Variants in SLC35F4 observed in about 807,000 individuals in gnomAD.
SLC35F4 encodes solute carrier family 35 member F4, also known as chromosome 14 open reading frame 36.
A neutral mutation model predicts 44.2 loss-of-function variants in SLC35F4; 24 were observed. The ratio of observed to expected loss-of-function variants is 0.54; its 90% CI spans 0.39 to 0.76. The LOEUF is 0.76. Ranked by LOEUF, SLC35F4 falls within the 30% of genes least tolerant of loss-of-function variation. SLC35F4 has a pLI of 0.00. For missense variants in SLC35F4, 562 were observed against 586.1 expected (o/e 0.96, Z 0.42); for synonymous variants, 238 against 223.6 (o/e 1.06, Z -0.57).
In SLC35F4 at chr14:57,577,522, A is replaced by T. The variant is rs2068876071; in HGVS notation, c.807+3692T>A. Among the ~76,000 whole-genome samples the T allele has an allele frequency of 2.0e-5, 3 of 152,132 alleles. No homozygotes were observed. In the South Asian group the frequency reaches 6.2e-4, roughly 31 times the overall value. On this transcript the variant is annotated intron_variant, in intron 4 of 7. Coordinates refer to ENST00000556826, the MANE Select transcript of SLC35F4 (RefSeq NM_001306087.2). ...TATAAGAAAAATTTGAATGAATAGT[A>T]TAAAAAAATAAGAGAGGGACAAAAT...
At chr14:57,622,090 G>A (rs1253149584) in intron 1 of SLC35F4, among the ~76,000 whole-genome samples, 1 of 144,596 alleles carries the variant, frequency 6.9e-6, no homozygotes, top group Non-Finnish European at 1.5e-5. Flanking sequence ...CTGGCCATCA[G>A]AGAAATGCAA....
At chr14:57,740,666 T>G (rs1021080945) in intron 1 of SLC35F4, among the ~76,000 whole-genome samples, 1 of 152,214 alleles carries the variant, frequency 6.6e-6, no homozygotes, top group African/African-American at 2.4e-5. Flanking sequence ...ATTTCTACCA[T>G]AGAGAAAAGA....
chr14:57,857,219 G>T (rs975588231), intron 1 of SLC35F4, among the ~76,000 whole-genome samples: 2 of 151,836 alleles, frequency 1.3e-5, no homozygotes, highest in African/African-American at 4.9e-5. Context: ...GGAGGTTGCA[G>T]TGAGCCAAGA....
At chr14:57,917,754 G>C (rs191937904) in intron 1 of SLC35F4, among the ~76,000 whole-genome samples, 2 of 152,150 alleles carry the variant, frequency 1.3e-5, no homozygotes, top group Non-Finnish European at 2.9e-5. Flanking sequence ...AATATTGCAC[G>C]ATGTTGAGGT....
intron 1 of SLC35F4, among the ~76,000 whole-genome samples, chr14:57,647,540 C>G (rs761355348): frequency 1.4e-4 from 22 of 152,082 alleles, no homozygotes; most frequent in Non-Finnish European, 7.4e-5. Context: ...CATTACTGGA[C>G]AACTTCAACC....
intron 1 of SLC35F4, among the ~76,000 whole-genome samples, chr14:57,770,600 T>C (rs1033279767): frequency 1.3e-5 from 2 of 152,162 alleles, no homozygotes; most frequent in Non-Finnish European, 2.9e-5. Flanking sequence ...TCACAGCCTC[T>C]CTCTTCCTTG....
chr14:57,922,080 T>C (rs1216324080), intron 1 of SLC35F4, among the ~76,000 whole-genome samples: 5 of 152,150 alleles, frequency 3.3e-5, no homozygotes, highest in Admixed American at 1.3e-4. Context: ...CTAGATGAGA[T>C]CTTTGATTCT....
chr14:57,590,077 CTTTT>C (rs112429463), intron 2 of SLC35F4, among the ~76,000 whole-genome samples: 2 of 138,896 alleles, frequency 1.4e-5, no homozygotes. Context: ...TTCCATTTTC[CTTTT>C]TTTTTTTTTT....
chr14:57,937,602 AAAGAAAAG>A (rs1889831012), intron 1 of SLC35F4, among the ~76,000 whole-genome samples: 1 of 42,868 alleles, frequency 2.3e-5, no homozygotes, highest in South Asian at 6.2e-4. Context: ...AAAGAAAAGA[AAAGAAAAG>A]AAAAGAAAAG....
rs149685455 is a variant in SLC35F4 at position 57,762,057 on chromosome 14, G to A, written c.103+103666C>T. ...CACAGCTGGAAACACCCCTACTCCC[G>A]GTGAAATGAATTCAAACCAGGGCTA... On this transcript the variant is annotated intron_variant, in intron 1 of 7. Coordinates refer to ENST00000556826, the MANE Select transcript of SLC35F4 (RefSeq NM_001306087.2). Among the ~76,000 whole-genome samples, 947 of 152,174 alleles carry A rather than the reference G, an allele frequency of 6.2e-3. 7 individuals are homozygous for A. The highest frequency in any genetic ancestry group is 0.01 in the Middle Eastern group (3 of 294).
intron 1 of SLC35F4, among the ~76,000 whole-genome samples, chr14:57,628,353 G>T (rs1197687420): frequency 1.4e-5 from 2 of 140,368 alleles, no homozygotes; most frequent in African/African-American, 5.3e-5. Flanking sequence ...AAACATGCAG[G>T]TTTGTTACAT....
chr14:57,605,510 A>T (rs927431659), intron 1 of SLC35F4, among the ~76,000 whole-genome samples: 1 of 152,190 alleles, frequency 6.6e-6, no homozygotes, highest in African/African-American at 2.4e-5. Flanking sequence ...GTTGGTGGGA[A>T]TGCAAATCAG....
intron 1 of SLC35F4, among the ~76,000 whole-genome samples, chr14:57,914,905 A>C (rs1455183265): frequency 1.3e-5 from 2 of 151,982 alleles, no homozygotes; most frequent in African/African-American, 4.8e-5. Flanking sequence ...TGACTCCACT[A>C]GGCATTACCT....
Position 57,718,371 on chromosome 14 carries a change from T to A in SLC35F4, c.104-124247A>T, listed in dbSNP as rs370369592. Among the ~76,000 whole-genome samples, 9 of 152,292 alleles carry A rather than the reference T, an allele frequency of 5.9e-5. No homozygotes were observed. In the East Asian group the frequency reaches 9.7e-4, roughly 16 times the overall value. Reference sequence around the variant, plus strand: ...TTTGAGTATTTACCCAGCAGTGAGATTGCTGAATTGTATGGTAGCTCTAAT... The same window carrying A: ...TTTGAGTATTTACCCAGCAGTGAGAATGCTGAATTGTATGGTAGCTCTAAT... On this transcript the variant is annotated intron_variant, in intron 1 of 7. Coordinates refer to ENST00000556826, the MANE Select transcript of SLC35F4 (RefSeq NM_001306087.2).
chr14:57,688,366 T>C (rs2075129290), intron 1 of SLC35F4, among the ~76,000 whole-genome samples: 1 of 152,180 alleles, frequency 6.6e-6, no homozygotes, highest in South Asian at 2.1e-4. Context: ...ATTAAGACCT[T>C]GGAAAAACAA....
Position 57,878,860 on chromosome 14 carries a change from T to C in SLC35F4, n.282+103053A>G, listed in dbSNP as rs11845153. Among the ~76,000 whole-genome samples the C allele has an allele frequency of 3.4e-3, 524 of 152,324 alleles. 3 individuals are homozygous for C. Among genetic ancestry groups the C allele is most frequent in the African/African-American group, 0.012 (486 of 41,570 alleles). On this transcript the variant is annotated intron_variant and non_coding_transcript_variant, in intron 1 of 1. Transcript: ENST00000556568. ...AATACTGGTTATCAAAGACAAGTCCTTGGAGCCAAATGTTCTATGTCACTC... is the reference window on the plus strand; with the variant it reads ...AATACTGGTTATCAAAGACAAGTCCCTGGAGCCAAATGTTCTATGTCACTC...
chr14:57,866,966 TA>T (rs1888181852), upstream of SLC35F4, among the ~76,000 whole-genome samples: 2 of 113,710 alleles, frequency 1.8e-5, no homozygotes, highest in South Asian at 2.5e-4. Context: ...CAAATAATAA[TA>T]ATAATAATAA....
chr14:57,677,719 G>A (rs1156940947), intron 1 of SLC35F4, among the ~76,000 whole-genome samples: 1 of 151,804 alleles, frequency 6.6e-6, no homozygotes, highest in Non-Finnish European at 1.5e-5. Flanking sequence ...ATACATATAT[G>A]CATAAAATGA....
chr14:57,878,305 T>C (rs1230610168), intron 1 of SLC35F4, among the ~76,000 whole-genome samples: 1 of 152,204 alleles, frequency 6.6e-6, no homozygotes, highest in East Asian at 1.9e-4. Context: ...ACTTTCTATC[T>C]GATCTTTTCC....
Sources: gnomAD v4.1 joint callset for allele counts (sites outside exome capture counted in the v4.1 genomes callset) on GRCh38, gnomAD v4.1.1 for gene constraint, MANE v1.5 for transcripts, NCBI Gene and HGNC (gene_info 2026-07-23, HGNC 2026-07-21) for gene names.